Variants in MSL1 observed in about 807,000 individuals in gnomAD.
MSL1 encodes the protein male-specific lethal 1 homolog.
MSL1 carries 21 observed loss-of-function variants against 64.6 expected under a neutral mutation model. The observed-to-expected ratio is 0.33, with a 90% CI of 0.23 to 0.47. MSL1 has a LOEUF of 0.47. Among genes scored for constraint, MSL1 ranks in the 20% least tolerant of loss-of-function variants. The pLI is 1.00. For missense variants in MSL1, 664 were observed against 793.2 expected (o/e 0.84, Z 1.96); for synonymous variants, 339 against 329.6 (o/e 1.03, Z -0.31).
chr17:40,129,414 G>A lies in MSL1; in HGVS notation c.1162G>A (p.Glu388Lys), dbSNP rs977061063. The A allele has an allele frequency of 6.2e-7, 1 of 1,613,324 alleles. No individual in the cohort carries two copies. The highest frequency in any genetic ancestry group is 8.5e-7 in the Non-Finnish European group (1 of 1,179,762). Residue 388 changes from glutamate to lysine, a missense_variant, in exon 3 of 9, where the codon GAA (glutamate) becomes AAA (lysine). This residue lies in a region of MSL1 where 119 missense variants were observed against 164.3 expected (regional missense o/e 0.72). Coordinates refer to ENST00000398532, the MANE Select transcript of MSL1 (RefSeq NM_001365919.1). Reference protein sequence around the residue: ...KRELRSQETPEKPRSSVDTPP... With the variant: ...KRELRSQETPKKPRSSVDTPP... ...TGAATTGAGGAGCCAAGAAACCCCA[G>A]AAAAGCCCCGGTCTTCAGTGGACAC...
Position 40,131,405 on chromosome 17 carries a change from T to G in MSL1, c.1376-132T>G, listed in dbSNP as rs1220722201. Reference sequence around the variant, plus strand: ...CCTCTTCCCCTCCCCCAGAGAGAAATTCTCAAAAGAACAACTCAAAAAACA... The same window carrying G: ...CCTCTTCCCCTCCCCCAGAGAGAAAGTCTCAAAAGAACAACTCAAAAAACA... On this transcript the variant is annotated intron_variant, in intron 3 of 8. Coordinates refer to ENST00000398532, the MANE Select transcript of MSL1 (RefSeq NM_001365919.1). This position sits in a 1 kb window ranked among gnomAD's most constrained non-coding sequence, Gnocchi z 4.5. 2 of 724,078 alleles carry G rather than the reference T, an allele frequency of 2.8e-6. No homozygotes were observed. Among genetic ancestry groups the G allele is most frequent in the African/African-American group, 3.5e-5 (2 of 56,604 alleles). The allele number at this position is 724,078 out of a possible 1,614,324, so 44.9% of individuals were successfully genotyped here.
Position 40,126,399 on chromosome 17 carries a change from C to T in MSL1, c.985C>T (p.His329Tyr). Residue 329 changes from histidine to tyrosine, a missense_variant, in exon 2 of 9, where the codon CAT becomes TAT. Coordinates refer to ENST00000398532, the MANE Select transcript of MSL1 (RefSeq NM_001365919.1). ...CTCATGTGGGCGGAGTGGAAAGGGACATAAAAGGTGTGCTGATAACTTTGT... is the reference window on the plus strand; with the variant it reads ...CTCATGTGGGCGGAGTGGAAAGGGATATAAAAGGTGTGCTGATAACTTTGT... Reference protein sequence around the residue: ...PFSCGRSGKGHKRKSPFGSTE... With the variant: ...PFSCGRSGKGYKRKSPFGSTE... 6.2e-7 allele frequency: 1 copy of T among 1,613,822 alleles called. No homozygotes were observed. The highest frequency in any genetic ancestry group is 8.5e-7 in the Non-Finnish European group (1 of 1,179,758).
Position 40,131,456 on chromosome 17 carries a change from G to C in MSL1, c.1376-81G>C, listed in dbSNP as rs1988435184. 7.6e-7 allele frequency: 1 copy of C among 1,316,770 alleles called. No individual in the cohort carries two copies. Among genetic ancestry groups the C allele is most frequent in the African/African-American group, 1.5e-5 (1 of 68,362 alleles). 81.6% of individuals were successfully genotyped at this position (1,316,770 alleles called of 1,614,324 possible). A position where few individuals can be genotyped will look rare whatever the true frequency, so the allele number is the denominator to read the frequency against. On this transcript the variant is annotated intron_variant, in intron 3 of 8. Coordinates refer to ENST00000398532, the MANE Select transcript of MSL1 (RefSeq NM_001365919.1). The surrounding 1 kb of genome is among the most constrained non-coding windows in gnomAD (Gnocchi z 4.5). ...AAATGGCTTCCTAGTGAGAACTTCA[G>C]TGATGATCCTTTCCTCCATTTGGGG...
At position 40,134,931 on chromosome 17, in the gene MSL1, A is replaced by G. The variant is rs1182722034; in HGVS notation, c.*562A>G. ...CGGAGAGTTGGTAGATAACTGTCTG[A>G]AAAGATAGTTGTTCATTTGAAACTA... On this transcript the variant is annotated 3_prime_UTR_variant, in exon 9 of 9. Transcript: ENST00000398532. 1 of 152,514 alleles carries G rather than the reference A, an allele frequency of 6.6e-6. No individual in the cohort carries two copies. The highest frequency in any genetic ancestry group is 1.5e-5 in the Non-Finnish European group (1 of 68,134). 9.4% of individuals were successfully genotyped at this position (152,514 alleles called of 1,614,324 possible).
In MSL1 at chr17:40,122,097, G is replaced by T. The variant is rs578172352; in HGVS notation, c.-516G>T. ...GGGACCCCGAGCCGCGGAGACCCCC[G>T]GGAGAGGCGACAGACCCCCTCTCCC... On this transcript the variant is annotated 5_prime_UTR_variant, in exon 1 of 9. Coordinates refer to ENST00000398532, the MANE Select transcript of MSL1 (RefSeq NM_001365919.1). This position sits in a 1 kb window ranked among gnomAD's most constrained non-coding sequence, Gnocchi z 4.2. 3.0e-4 allele frequency among the ~76,000 whole-genome samples: 46 copies of T among 151,650 alleles called. No individual in the cohort carries two copies. Among genetic ancestry groups the T allele is most frequent in the African/African-American group, 1.1e-3 (45 of 41,402 alleles).
chr17:40,132,679 C>T (rs1224472570), intron 5 of MSL1, among the ~76,000 whole-genome samples: 2 of 152,174 alleles, frequency 1.3e-5, no homozygotes, highest in Non-Finnish European at 2.9e-5. Context: ...CATAAAATTA[C>T]ATATTCCAAG....
chr17:40,131,905 A>T lies in MSL1; in HGVS notation c.1424-129A>T. ...TGGCTTCAGGGAGGCCATAGAATGG[A>T]TTCCTATCACTTGGTAACTTTGTCT... On this transcript the variant is annotated intron_variant, in intron 4 of 8. Coordinates refer to ENST00000398532, the MANE Select transcript of MSL1 (RefSeq NM_001365919.1). This position sits in a 1 kb window ranked among gnomAD's most constrained non-coding sequence, Gnocchi z 4.5. The T allele has an allele frequency of 2.9e-6, 2 of 687,044 alleles. No individual in the cohort carries two copies. The highest frequency in any genetic ancestry group is 5.0e-6 in the Non-Finnish European group (2 of 401,854). The allele number at this position is 687,044 out of a possible 1,614,324, so 42.6% of individuals were successfully genotyped here.
rs556427167 is a variant in MSL1 at position 40,130,702 on chromosome 17, T to C, written c.1376-835T>C. On this transcript the variant is annotated intron_variant, in intron 3 of 8. Transcript: ENST00000398532. ...ATCTAACCTCTATTAGGCCTCACAC[T>C]TGAGTACATGAGATAGATCAGGATC... Among the ~76,000 whole-genome samples, 8 of 152,332 alleles carry C rather than the reference T, an allele frequency of 5.3e-5. No homozygotes were observed. In the East Asian group the frequency reaches 1.3e-3, roughly 26 times the overall value.
chr17:40,123,469 C>G (rs928508545), intron 1 of MSL1, 89 bp downstream of exon 1: 1 of 1,335,634 alleles, frequency 7.5e-7, no homozygotes, highest in Non-Finnish European at 1.0e-6. Flanking sequence ...AAGGCACCCC[C>G]GGGTTAGGGG....
rs772176245 is a variant in MSL1, at chr17:40,123,162, G to A, written c.550G>A (p.Ala184Thr). Residue 184 changes from alanine (A) to threonine (T), a missense_variant, in exon 1 of 9, where the codon GCG (alanine) becomes ACG (threonine). By Grantham distance (58) the Ala-to-Thr change is moderately conservative. This residue lies in a region of MSL1 where 466 missense variants were observed against 499.0 expected (regional missense o/e 0.93). Transcript: ENST00000398532. The stretch of plus-strand genomic sequence containing the variant: ...ACCTCTGCCCGGGCCGCCACCCCTC[G>A]CGCCCACCGCCACCGCCGGGACCCT... Reference protein sequence around the residue: ...PLPLPGPPPLAPTATAGTLAA... With the variant: ...PLPLPGPPPLTPTATAGTLAA... The A allele has an allele frequency of 6.5e-7, 1 of 1,534,242 alleles. No homozygotes were observed. Among genetic ancestry groups the A allele is most frequent in the South Asian group, 1.2e-5 (1 of 83,978 alleles).
chr17:40,133,888 A>G lies in MSL1; in HGVS notation c.1743A>G (p.Lys581=). 1 of 1,613,790 alleles carries G rather than the reference A, an allele frequency of 6.2e-7. No individual in the cohort carries two copies. Among genetic ancestry groups the G allele is most frequent in the Non-Finnish European group, 8.5e-7 (1 of 1,179,688 alleles). Reference sequence around the variant, plus strand: ...TAGCATTTGGACGACCATTACCAAAATTAACTCCACAGTAAGTATACATTT... The same window carrying G: ...TAGCATTTGGACGACCATTACCAAAGTTAACTCCACAGTAAGTATACATTT... ...PVVAFGRPLP[K]LTPQNFELPW... Residue 581 remains lysine, a synonymous_variant, in exon 8 of 9, where the codon AAA becomes AAG. Coordinates refer to ENST00000398532, the MANE Select transcript of MSL1 (RefSeq NM_001365919.1).
chr17:40,124,257 C>T (rs1182694944), intron 1 of MSL1, among the ~76,000 whole-genome samples: 2 of 152,024 alleles, frequency 1.3e-5, no homozygotes, highest in East Asian at 3.8e-4. Context: ...GCTAGCATAC[C>T]TTACAGCTGC....
At chr17:40,128,165 C>T (rs780486305) in intron 2 of MSL1, among the ~76,000 whole-genome samples, 5 of 151,734 alleles carry the variant, frequency 3.3e-5, no homozygotes, top group Non-Finnish European at 5.9e-5. Flanking sequence ...AGATGACTTT[C>T]TTGGGATGTG....
chr17:40,134,454 C>A lies in MSL1; in HGVS notation c.*85C>A. ...GAGACCTGTATATGTGACCTTTGTC[C>A]TCACATATGTTATCACTCGCTGATA... On this transcript the variant is annotated 3_prime_UTR_variant, in exon 9 of 9. Transcript: ENST00000398532. 9.2e-7 allele frequency: 1 copy of A among 1,087,110 alleles called. No individual in the cohort carries two copies. The allele number at this position is 1,087,110 out of a possible 1,614,324, so 67.3% of individuals were successfully genotyped here. A position where few individuals can be genotyped will look rare whatever the true frequency, so the allele number is the denominator to read the frequency against.
chr17:40,129,233 CCTAT>C lies in MSL1; in HGVS notation c.993-8_993-5del, dbSNP rs765718303. ...CAATAAATTTTATAATGTTTTCTTC[CCTAT>C]CTAATAGGAAATCCCCATTTGGAAG... On this transcript the variant is annotated splice_polypyrimidine_tract_variant and splice_region_variant and intron_variant, in intron 2 of 8. Coordinates refer to ENST00000398532, the MANE Select transcript of MSL1 (RefSeq NM_001365919.1). 1.2e-5 allele frequency: 18 copies of C among 1,511,234 alleles called. No homozygotes were observed. The Middle Eastern group carries it at 5.5e-4, about 46-fold the overall frequency. 93.6% of individuals were successfully genotyped at this position (1,511,234 alleles called of 1,614,324 possible). A position where few individuals can be genotyped will look rare whatever the true frequency, so the allele number is the denominator to read the frequency against.
rs557625087 is a variant in MSL1, at chr17:40,134,459, A to G, written c.*90A>G. The G allele has an allele frequency of 1.5e-4, 157 of 1,030,824 alleles. No homozygotes were observed. The highest frequency in any genetic ancestry group is 2.2e-4 in the Non-Finnish European group (146 of 677,658). 63.9% of individuals were successfully genotyped at this position (1,030,824 alleles called of 1,614,324 possible). On this transcript the variant is annotated 3_prime_UTR_variant, in exon 9 of 9. Transcript: ENST00000398532. The stretch of plus-strand genomic sequence containing the variant: ...CTGTATATGTGACCTTTGTCCTCAC[A>G]TATGTTATCACTCGCTGATAATACC...
At position 40,122,806 on chromosome 17, in the gene MSL1, G is replaced by A. The variant is rs1988214747; in HGVS notation, c.194G>A (p.Gly65Glu). The A allele has an allele frequency of 7.3e-7, 1 of 1,372,244 alleles. No homozygotes were observed. The highest frequency in any genetic ancestry group is 9.3e-7 in the Non-Finnish European group (1 of 1,071,872). 85.0% of individuals were successfully genotyped at this position (1,372,244 alleles called of 1,614,324 possible). A position where few individuals can be genotyped will look rare whatever the true frequency, so the allele number is the denominator to read the frequency against. ...CCCCCGCTGGCCTCCTCCCAGGGCGGGAGCCCCGCGCCTTCCCCGGCCGGC... is the reference window on the plus strand; with the variant it reads ...CCCCCGCTGGCCTCCTCCCAGGGCGAGAGCCCCGCGCCTTCCCCGGCCGGC... Reference protein sequence around the residue: ...PGPPLASSQGGSPAPSPAGCG... With the variant: ...PGPPLASSQGESPAPSPAGCG... Residue 65 changes from glycine to glutamate, a missense_variant, in exon 1 of 9, where the codon GGG (glycine) becomes GAG (glutamate). Physicochemically the swap from Gly to Glu is moderately conservative, Grantham distance 98. Coordinates refer to ENST00000398532, the MANE Select transcript of MSL1 (RefSeq NM_001365919.1). The surrounding 1 kb of genome is among the most constrained non-coding windows in gnomAD (Gnocchi z 4.2).
Position 40,123,012 on chromosome 17 carries a change from G to C in MSL1, c.400G>C (p.Val134Leu), listed in dbSNP as rs975753477. ...GCSPRPKYQA[V>L]LPIQTGSLVA... ...CAGCCCCCGGCCCAAGTATCAGGCGGTGCTGCCCATTCAGACGGGCTCTCT... is the reference window on the plus strand; with the variant it reads ...CAGCCCCCGGCCCAAGTATCAGGCGCTGCTGCCCATTCAGACGGGCTCTCT... Residue 134 changes from valine (V) to leucine (L), a missense_variant, in exon 1 of 9, where the codon GTG becomes CTG. Transcript: ENST00000398532. 6.5e-7 allele frequency: 1 copy of C among 1,532,180 alleles called. No homozygotes were observed. The highest frequency in any genetic ancestry group is 1.4e-5 in the African/African-American group (1 of 72,294). 94.9% of individuals were successfully genotyped at this position (1,532,180 alleles called of 1,614,324 possible). A position where few individuals can be genotyped will look rare whatever the true frequency, so the allele number is the denominator to read the frequency against.
intron 2 of MSL1, among the ~76,000 whole-genome samples, chr17:40,127,660 T>G (rs1988351557): frequency 6.6e-6 from 1 of 152,196 alleles, no homozygotes; most frequent in Non-Finnish European, 1.5e-5. Context: ...TTTTAGTTTT[T>G]GTAGAGACAG....
Sources: allele counts gnomAD v4.1 joint callset (sites outside exome capture counted in the v4.1 genomes callset), GRCh38; gene constraint gnomAD v4.1.1; regional missense constraint gnomAD v4.1.1; non-coding constraint Gnocchi (gnomAD v3.1); transcripts MANE v1.5; gene names NCBI Gene and HGNC (gene_info 2026-07-23, HGNC 2026-07-21).